LRRC53: variants seen among roughly 807,000 people sequenced by gnomAD.
The protein encoded by LRRC53 is leucine-rich repeat-containing protein 53.
A neutral mutation model predicts 13.6 loss-of-function variants in LRRC53; 25 were observed. That is an observed-to-expected ratio of 1.83 (90% CI 1.34 to 2.56). LRRC53 has a LOEUF of 2.56. LRRC53 is among the 30% of genes most tolerant of loss of function. The probability of loss-of-function intolerance (pLI) is 0.00; values close to 1 mark genes in which losing one functional copy is unlikely to be tolerated. For missense variants in LRRC53, 527 were observed against 275.8 expected (o/e 1.91, Z -6.45); for synonymous variants, 204 against 109.8 (o/e 1.86, Z -5.37).
intron 1 of LRRC53, among the ~76,000 whole-genome samples, chr1:74,512,313 G>C (rs190611171): frequency 6.6e-6 from 1 of 152,254 alleles, no homozygotes; most frequent in African/African-American, 2.4e-5. Flanking sequence ...TTGAACCCAA[G>C]ATTGGCCCCT....
chr1:74,521,228 T>C, the LRRC53 span, among the ~76,000 whole-genome samples: 5 of 152,326 alleles, frequency 3.3e-5, no homozygotes, highest in South Asian at 6.2e-4. Context: ...GTTCACATTG[T>C]GGCACTGCCA....
chr1:74,533,192 C>G, the LRRC53 span, among the ~76,000 whole-genome samples: 11 of 152,284 alleles, frequency 7.2e-5, no homozygotes, highest in South Asian at 2.3e-3. Flanking sequence ...TATCCAGAAT[C>G]TACAATGAAC....
At chr1:74,486,201 A>AAGAGAGAGAGAGAGAGAGAGAGAGAG (rs58506314) in intron 1 of LRRC53, among the ~76,000 whole-genome samples, 33 of 136,408 alleles carry the variant, frequency 2.4e-4, no homozygotes, top group African/African-American at 8.4e-4. Context: ...AAATGCTATA[A>AAGAGAGAGAGAGAGAGAGAGAGAGAG]AGAGAGAGAG....
At chr1:74,490,980 TAAAGTGACTGTCTTGCTGCAAAATA>T (rs1669040646) in intron 1 of LRRC53, among the ~76,000 whole-genome samples, 1 of 152,190 alleles carries the variant, frequency 6.6e-6, no homozygotes, top group Non-Finnish European at 1.5e-5. Context: ...AGTTAAAATA[TAAAGTGACTGTCTTGCTGCAAAATA>T]AAAGATATGA....
At chr1:74,489,892 G>A (rs1668967942) in intron 1 of LRRC53, among the ~76,000 whole-genome samples, 1 of 151,968 alleles carries the variant, frequency 6.6e-6, no homozygotes, top group South Asian at 2.1e-4. Flanking sequence ...ATGGAAATAA[G>A]TGTTACTGGT....
At chr1:74,531,564 C>T in the LRRC53 span, among the ~76,000 whole-genome samples, 1 of 152,154 alleles carries the variant, frequency 6.6e-6, no homozygotes, top group Non-Finnish European at 1.5e-5. Flanking sequence ...CTGTTTTCAG[C>T]TAAATGCCAA....
intron 1 of LRRC53, among the ~76,000 whole-genome samples, chr1:74,487,068 G>C (rs150844882): frequency 6.6e-6 from 1 of 152,172 alleles, no homozygotes; most frequent in Non-Finnish European, 1.5e-5. Flanking sequence ...CAATTTTGCT[G>C]TAAAGTAAAC....
At chr1:74,483,960 G>C (rs1668625006) in intron 1 of LRRC53, among the ~76,000 whole-genome samples, 1 of 151,858 alleles carries the variant, frequency 6.6e-6, no homozygotes, top group South Asian at 2.1e-4. Flanking sequence ...ATTCAGCTCT[G>C]TTTTTACTGA....
chr1:74,525,788 T>A, the LRRC53 span, among the ~76,000 whole-genome samples: 1 of 152,108 alleles, frequency 6.6e-6, no homozygotes, highest in Non-Finnish European at 1.5e-5. Flanking sequence ...GGAGCAGCAG[T>A]TGGCCCAGCA....
chr1:74,536,518 T>A, the LRRC53 span, among the ~76,000 whole-genome samples: 2 of 152,166 alleles, frequency 1.3e-5, no homozygotes, highest in Non-Finnish European at 2.9e-5. Flanking sequence ...CGGTGACTGA[T>A]GATCATTTTT....
At chr1:74,484,651 C>A (rs1668662146) in intron 1 of LRRC53, among the ~76,000 whole-genome samples, 1 of 152,000 alleles carries the variant, frequency 6.6e-6, no homozygotes, top group Non-Finnish European at 1.5e-5. Context: ...GGATCCAATG[C>A]AAAGTTCTCA....
Position 74,480,239 on chromosome 1 carries a change from G to A in LRRC53, c.818C>T (p.Ala273Val), listed in dbSNP as rs1453659211. The change falls in exon 3 of 5, where the codon GCT becomes GTT. Residue 273 changes from alanine (A) to valine (V), a missense_variant. Physicochemically the swap from Ala to Val is moderately conservative, Grantham distance 64. Coordinates refer to ENST00000294635, the MANE Select transcript of LRRC53 (RefSeq NM_001382280.1). ...CTTTAGAACCAGAGTGAAGTTGGGAGCTTTGGAATCACAGTTGGTCTCAGA... is the reference window on the plus strand; with the variant it reads ...CTTTAGAACCAGAGTGAAGTTGGGAACTTTGGAATCACAGTTGGTCTCAGA... ...RLSETNCDSKAPNFTLVLKDR... is the reference protein window; with the variant it reads ...RLSETNCDSKVPNFTLVLKDR... 1.1e-5 allele frequency: 8 copies of A among 717,434 alleles called. No homozygotes were observed. The highest frequency in any genetic ancestry group is 2.1e-5 in the Non-Finnish European group (8 of 385,096). The allele number at this position is 717,434 out of a possible 1,614,324, so 44.4% of individuals were successfully genotyped here.
intron 1 of LRRC53, among the ~76,000 whole-genome samples, chr1:74,498,230 A>T (rs1186106446): frequency 6.6e-6 from 1 of 152,158 alleles, no homozygotes; most frequent in African/African-American, 2.4e-5. Context: ...ACTGTATCTT[A>T]ACAGTTTTTT....
chr1:74,485,905 A>G (rs1383022348), intron 1 of LRRC53, among the ~76,000 whole-genome samples: 2 of 152,122 alleles, frequency 1.3e-5, no homozygotes, highest in African/African-American at 4.8e-5. Context: ...CGCTTAAAAG[A>G]GGCCTTGAGC....
intron 1 of LRRC53, among the ~76,000 whole-genome samples, chr1:74,491,379 C>G (rs1221519075): frequency 6.6e-6 from 1 of 152,166 alleles, no homozygotes; most frequent in South Asian, 2.1e-4. Flanking sequence ...GCCACCACTC[C>G]CAGCTAATTT....
intron 1 of LRRC53, chr1:74,492,004 A>G: frequency 5.1e-6 from 7 of 1,370,636 alleles, no homozygotes; most frequent in Non-Finnish European, 6.7e-6. Context: ...AATATGGGAA[A>G]CCTTGGAATA....
At chr1:74,511,210 G>C (rs1460342425) in intron 1 of LRRC53, among the ~76,000 whole-genome samples, 1 of 135,108 alleles carries the variant, frequency 7.4e-6, no homozygotes, top group Non-Finnish European at 1.6e-5. Context: ...TTTTTTTTCC[G>C]AGATGGAATT....
chr1:74,510,836 T>C (rs1358234344), intron 1 of LRRC53, among the ~76,000 whole-genome samples: 1 of 152,236 alleles, frequency 6.6e-6, no homozygotes, highest in Non-Finnish European at 1.5e-5. Flanking sequence ...AGGCCCAGTA[T>C]TTTGATAGCT....
chr1:74,501,211 T>G (rs1669607198), intron 1 of LRRC53, among the ~76,000 whole-genome samples: 1 of 152,232 alleles, frequency 6.6e-6, no homozygotes, highest in Non-Finnish European at 1.5e-5. Flanking sequence ...TTTTCAGATC[T>G]GTCTTCCAAT....
Sources: allele counts gnomAD v4.1 joint callset (sites outside exome capture counted in the v4.1 genomes callset), GRCh38; gene constraint gnomAD v4.1.1; transcripts MANE v1.5; gene names NCBI Gene and HGNC (gene_info 2026-07-23, HGNC 2026-07-21).